Variants in LRRC8E observed in about 807,000 individuals in gnomAD.
LRRC8E encodes the protein leucine rich repeat containing 8 VRAC subunit E.
LRRC8E carries 6 observed loss-of-function variants against 6.1 expected under a neutral mutation model. The observed-to-expected ratio is 0.98, with a 90% CI of 0.54 to 1.93. The LOEUF (loss-of-function observed/expected upper bound fraction) is 1.93, where lower values mean the gene tolerates loss of function less well. LRRC8E is among the 30% of genes most tolerant of loss of function. The probability of loss-of-function intolerance (pLI) is 0.01; values close to 1 mark genes in which losing one functional copy is unlikely to be tolerated. For synonymous variants in LRRC8E, 485 were observed against 472.8 expected (o/e 1.03, Z -0.33); for missense variants, 1,028 against 1,031.4 (o/e 1.00, Z 0.04).
At position 7,899,856 on chromosome 19, in the gene LRRC8E, A is replaced by G; in HGVS notation, c.1334A>G (p.Glu445Gly). 1.2e-6 allele frequency: 2 copies of G among 1,606,168 alleles called. No individual in the cohort carries two copies. Among genetic ancestry groups the G allele is most frequent in the Non-Finnish European group, 1.7e-6 (2 of 1,179,942 alleles). Residue 445 changes from glutamate (E) to glycine (G), a missense_variant, in exon 3 of 3, where the codon GAG becomes GGG. Transcript: ENST00000306708. Reference protein sequence around the residue: ...ELSEVESLRLEAICDITFPPG... With the variant: ...ELSEVESLRLGAICDITFPPG... Reference sequence around the variant, plus strand: ...AGTGAGGTGGAGTCACTCAGGCTGGAGGCCATCTGCGATATCACCTTCCCC... The same window carrying G: ...AGTGAGGTGGAGTCACTCAGGCTGGGGGCCATCTGCGATATCACCTTCCCC...
At position 7,901,094 on chromosome 19, in the gene LRRC8E, C is replaced by G; in HGVS notation, c.*181C>G. On this transcript the variant is annotated 3_prime_UTR_variant, in exon 3 of 3. Transcript: ENST00000306708. The stretch of plus-strand genomic sequence containing the variant: ...GGGCTGGTTTGTCTGGGGAGACAGA[C>G]AGGATGTTGTGGAGCTGGGGTGGAA... 1 of 546,294 alleles carries G rather than the reference C, an allele frequency of 1.8e-6. No individual in the cohort carries two copies. The highest frequency in any genetic ancestry group is 3.1e-6 in the Non-Finnish European group (1 of 320,216). 33.8% of individuals were successfully genotyped at this position (546,294 alleles called of 1,614,324 possible).
chr19:7,894,275 G>T (rs533187379), intron 1 of LRRC8E, among the ~76,000 whole-genome samples: 20 of 152,118 alleles, frequency 1.3e-4, no homozygotes, highest in Non-Finnish European at 2.9e-4. Context: ...ACCCAGGCTG[G>T]AGTGCAGTGG....
intron 1 of LRRC8E, among the ~76,000 whole-genome samples, chr19:7,890,838 T>C (rs574850484): frequency 6.6e-6 from 1 of 152,218 alleles, no homozygotes; most frequent in African/African-American, 2.4e-5. Context: ...GCTGGGATTA[T>C]AGGTGCCCAC....
In LRRC8E at chr19:7,898,886, G is replaced by A. The variant is rs750735701; in HGVS notation, c.364G>A (p.Val122Met). Residue 122 changes from valine to methionine, a missense_variant, in exon 3 of 3, where the codon GTG becomes ATG. Coordinates refer to ENST00000306708, the MANE Select transcript of LRRC8E (RefSeq NM_025061.6). ...HWYAKYFPYL[V>M]VIHTLIFMVC... is the part of the protein sequence containing the mutation. ...GTATGCCAAGTACTTCCCTTACCTC[G>A]TGGTCATTCACACACTCATCTTCAT... 33 of 1,614,080 alleles carry A rather than the reference G, an allele frequency of 2.0e-5. No homozygotes were observed. Among genetic ancestry groups the A allele is most frequent in the East Asian group, 1.1e-4 (5 of 44,902 alleles).
At chr19:7,888,798 C>T (rs7257614) in intron 1 of LRRC8E, among the ~76,000 whole-genome samples, 198 bp downstream of exon 1, 1 of 152,128 alleles carries the variant, frequency 6.6e-6, no homozygotes, top group Non-Finnish European at 1.5e-5. Flanking sequence ...CCACGAGGTG[C>T]CCGTCCTGGG....
rs185460374 is a variant in LRRC8E at position 7,898,392 on chromosome 19, C to T, written c.139-269C>T. Among the ~76,000 whole-genome samples, 339 of 152,140 alleles carry T rather than the reference C, an allele frequency of 2.2e-3. 1 individual carries two copies. The highest frequency in any genetic ancestry group is 3.3e-3 in the Non-Finnish European group (225 of 68,022). On this transcript the variant is annotated intron_variant, in intron 2 of 2. Transcript: ENST00000306708. ...AATTTATTTTTGAGACAGAGGCTCA[C>T]TCTGTCACCCAGGCTGGAGTACAAT...
intron 2 of LRRC8E, 39 bp from the exon 3 acceptor site, chr19:7,898,622 G>A (rs763866815): frequency 1.9e-6 from 3 of 1,547,822 alleles, no homozygotes; most frequent in Non-Finnish European, 1.8e-6. Context: ...GCCTCCCAAA[G>A]TGCTAGGATT....
chr19:7,888,890 C>T (rs1295207099), intron 1 of LRRC8E, among the ~76,000 whole-genome samples: 1 of 152,204 alleles, frequency 6.6e-6, no homozygotes, highest in Non-Finnish European at 1.5e-5. Flanking sequence ...CAACCACTTT[C>T]CCCTCCCCTT....
chr19:7,889,127 C>T (rs1335725158), intron 1 of LRRC8E, among the ~76,000 whole-genome samples: 1 of 152,116 alleles, frequency 6.6e-6, no homozygotes, highest in Non-Finnish European at 1.5e-5. Context: ...CCCTCCCCCA[C>T]CCTAGACCCT....
At chr19:7,891,645 C>T (rs1302355816) in intron 1 of LRRC8E, among the ~76,000 whole-genome samples, 1 of 152,014 alleles carries the variant, frequency 6.6e-6, no homozygotes, top group African/African-American at 2.4e-5. Flanking sequence ...CTCGCTCTGT[C>T]GCCCAGGCTG....
rs927035725 is a variant in LRRC8E at position 7,900,867 on chromosome 19, A to C, written c.2345A>C (p.Tyr782Ser). The C allele has an allele frequency of 6.5e-7, 1 of 1,540,350 alleles. No homozygotes were observed. ...KAGLLVEDTL[Y>S]QGLPAEVRDK... Reference sequence around the variant, plus strand: ...GGGCTCCTGGTGGAAGACACGCTTTACCAGGGTCTGCCGGCAGAAGTGCGG... The same window carrying C: ...GGGCTCCTGGTGGAAGACACGCTTTCCCAGGGTCTGCCGGCAGAAGTGCGG... Residue 782 changes from tyrosine (Y) to serine (S), a missense_variant, in exon 3 of 3, where the codon TAC becomes TCC. Transcript: ENST00000306708. This position sits in a 1 kb window ranked among gnomAD's most constrained non-coding sequence, Gnocchi z 5.0.
At position 7,899,218 on chromosome 19, in the gene LRRC8E, A is replaced by C. The variant is rs1332699492; in HGVS notation, c.696A>C (p.Lys232Asn). 3.1e-6 allele frequency: 5 copies of C among 1,614,110 alleles called. No individual in the cohort carries two copies. The highest frequency in any genetic ancestry group is 4.2e-6 in the Non-Finnish European group (5 of 1,180,054). Residue 232 changes from lysine (K) to asparagine (N), a missense_variant, in exon 3 of 3, where the codon AAA becomes AAC. Coordinates refer to ENST00000306708, the MANE Select transcript of LRRC8E (RefSeq NM_025061.6). Reference protein sequence around the residue: ...LLDKKEGEQAKALFEKVKKFR... With the variant: ...LLDKKEGEQANALFEKVKKFR... ...ACAAGAAGGAGGGTGAGCAAGCCAA[A>C]GCCCTGTTTGAGAAGGTGAAGAAGT... is the stretch of plus-strand genomic sequence containing the variant.
rs1406139915 is a variant in LRRC8E at position 7,900,076 on chromosome 19, C to T, written c.1554C>T (p.Phe518=). The change falls in exon 3 of 3, where the codon TTC becomes TTT. Residue 518 remains phenylalanine, a synonymous_variant. Coordinates refer to ENST00000306708, the MANE Select transcript of LRRC8E (RefSeq NM_025061.6). This position sits in a 1 kb window ranked among gnomAD's most constrained non-coding sequence, Gnocchi z 5.0. ...AGGAGCTGCACCTGGAGGGGCTTTT[C>T]CCCCAGGAGCTAGCTCGGGCAGCCA... ...GLEELHLEGL[F]PQELARAATL... is the part of the protein sequence containing the mutation. 21 of 1,611,740 alleles carry T rather than the reference C, an allele frequency of 1.3e-5. No individual in the cohort carries two copies. Among genetic ancestry groups the T allele is most frequent in the East Asian group, 2.2e-5 (1 of 44,870 alleles).
intron 2 of LRRC8E, among the ~76,000 whole-genome samples, chr19:7,897,743 A>G (rs780688351): frequency 6.6e-6 from 1 of 151,916 alleles, no homozygotes; most frequent in Non-Finnish European, 1.5e-5. Flanking sequence ...TCTAAGGCGC[A>G]GTCATACTGG....
chr19:7,898,689 C>A lies in LRRC8E; in HGVS notation c.167C>A (p.Pro56His). 2 of 1,611,576 alleles carry A rather than the reference C, an allele frequency of 1.2e-6. No homozygotes were observed. Among genetic ancestry groups the A allele is most frequent in the Non-Finnish European group, 8.5e-7 (1 of 1,178,414 alleles). Residue 56 changes from proline to histidine, a missense_variant, in exon 3 of 3, where the codon CCC becomes CAC. Coordinates refer to ENST00000306708, the MANE Select transcript of LRRC8E (RefSeq NM_025061.6). ...QVTQDKIICL[P>H]NHELQENLSE... ...ACACAGGACAAGATCATCTGTCTAC[C>A]CAATCATGAGCTCCAGGAGAACTTA...
intron 1 of LRRC8E, among the ~76,000 whole-genome samples, chr19:7,893,303 G>A (rs1331969705): frequency 1.3e-5 from 2 of 152,040 alleles, no homozygotes; most frequent in African/African-American, 4.8e-5. Context: ...ACCGCACCTG[G>A]CTAATTTTTG....
rs561610638 is a variant in LRRC8E, at chr19:7,897,611, C to G, written c.139-1050C>G. On this transcript the variant is annotated intron_variant, in intron 2 of 2. Coordinates refer to ENST00000306708, the MANE Select transcript of LRRC8E (RefSeq NM_025061.6). ...TCCTCTACCACCCCCGCTTGGCCCC[C>G]CCTCCCACTGCCTCCCAAATCACTG... Among the ~76,000 whole-genome samples the G allele has an allele frequency of 3.3e-5, 5 of 151,036 alleles. No individual in the cohort carries two copies. The East Asian group carries it at 5.9e-4, about 18-fold the overall frequency.
chr19:7,901,008 A>T lies in LRRC8E; in HGVS notation c.*95A>T. ...CCAAGATAGGAAGCCAAGTGGGTCC[A>T]GGCCAGGAGATGGGGGGGGCGGGGG... On this transcript the variant is annotated 3_prime_UTR_variant, in exon 3 of 3. Coordinates refer to ENST00000306708, the MANE Select transcript of LRRC8E (RefSeq NM_025061.6). 10 of 485,956 alleles carry T rather than the reference A, an allele frequency of 2.1e-5. No homozygotes were observed. The highest frequency in any genetic ancestry group is 2.3e-5 in the Non-Finnish European group (7 of 299,520). The allele number at this position is 485,956 out of a possible 1,614,324, so 30.1% of individuals were successfully genotyped here. A position where few individuals can be genotyped will look rare whatever the true frequency, so the allele number is the denominator to read the frequency against.
In LRRC8E at chr19:7,893,101, G is replaced by T. The variant is rs149205791; in HGVS notation, c.-5-2498G>T. 1.4e-3 allele frequency among the ~76,000 whole-genome samples: 214 copies of T among 152,302 alleles called. 2 individuals are homozygous for T. In the East Asian group the frequency reaches 0.034, roughly 24 times the overall value. ...AGCTCACTGCAACCTCTGCCTCCCAGGTTCAAGCGATCCTCCTGCCTCAGC... is the reference window on the plus strand; with the variant it reads ...AGCTCACTGCAACCTCTGCCTCCCATGTTCAAGCGATCCTCCTGCCTCAGC... On this transcript the variant is annotated intron_variant, in intron 1 of 2. Coordinates refer to ENST00000306708, the MANE Select transcript of LRRC8E (RefSeq NM_025061.6).
Sources: allele counts gnomAD v4.1 joint callset (sites outside exome capture counted in the v4.1 genomes callset), GRCh38; gene constraint gnomAD v4.1.1; non-coding constraint Gnocchi (gnomAD v3.1); transcripts MANE v1.5; gene names NCBI Gene and HGNC (gene_info 2026-07-23, HGNC 2026-07-21).